The following PHF21B variants were observed in gnomAD, a reference collection of about 807,000 sequenced individuals.
The protein encoded by PHF21B is PHD finger protein 4.
Under a neutral mutation model 62.2 loss-of-function variants are expected in PHF21B, and 22 were observed. That is an observed-to-expected ratio of 0.35 (90% confidence interval 0.25 to 0.51). The LOEUF (loss-of-function observed/expected upper bound fraction) is 0.51, where lower values mean the gene tolerates loss of function less well. Ranked by LOEUF, PHF21B falls within the 20% of genes least tolerant of loss-of-function variation. The pLI, the probability that PHF21B is intolerant of heterozygous loss-of-function variation, is 0.97. For missense variants in PHF21B, 701 were observed against 707.9 expected (o/e 0.99, Z 0.11); for synonymous variants, 341 against 314.7 (o/e 1.08, Z -0.88).
chr22:44,929,171 C>T (rs1416487846), intron 2 of PHF21B, among the ~76,000 whole-genome samples: 1 of 152,224 alleles, frequency 6.6e-6, no homozygotes, highest in Non-Finnish European at 1.5e-5. Context: ...TCAATAACCG[C>T]TAATAAATAT....
At chr22:45,008,834 CG>C in intron 1 of PHF21B, 1 of 1,181,758 alleles carries the variant, frequency 8.5e-7, no homozygotes, top group Non-Finnish European at 1.0e-6. Flanking sequence ...CGGGGCGGGG[CG>C]GGGGCCGAGG....
intron 2 of PHF21B, among the ~76,000 whole-genome samples, chr22:44,926,879 T>TCAG (rs1446525487): frequency 2.6e-5 from 4 of 152,114 alleles, no homozygotes; most frequent in Non-Finnish European, 4.4e-5. Flanking sequence ...TGGGCGTTGC[T>TCAG]CAGCAGCAGC....
chr22:44,959,281 T>C (rs1472028501), intron 2 of PHF21B, among the ~76,000 whole-genome samples: 1 of 152,188 alleles, frequency 6.6e-6, no homozygotes, highest in Non-Finnish European at 1.5e-5. Context: ...TGATGACATT[T>C]TGCCCCGACC....
chr22:44,979,315 C>T (rs1030719371), intron 2 of PHF21B, among the ~76,000 whole-genome samples: 3 of 152,252 alleles, frequency 2.0e-5, no homozygotes, highest in Non-Finnish European at 4.4e-5. Flanking sequence ...GCCAAGTTCA[C>T]GTGTGACACC....
chr22:44,911,612 G>A (rs904158675), intron 5 of PHF21B, among the ~76,000 whole-genome samples: 5 of 152,244 alleles, frequency 3.3e-5, no homozygotes, highest in East Asian at 3.8e-4. Context: ...CAGGTGCAGA[G>A]AAGTCAAGAA....
At chr22:44,929,331 C>T (rs887142839) in intron 2 of PHF21B, among the ~76,000 whole-genome samples, 10 of 152,244 alleles carry the variant, frequency 6.6e-5, no homozygotes, top group African/African-American at 2.2e-4. Flanking sequence ...TAGGCTTGGC[C>T]TTTATGTCCC....
intron 2 of PHF21B, among the ~76,000 whole-genome samples, chr22:44,948,097 C>A (rs2072115465): frequency 6.6e-6 from 1 of 151,536 alleles, no homozygotes; most frequent in Non-Finnish European, 1.5e-5. Flanking sequence ...GGCACAGAGA[C>A]CAGCTCCGTG....
intron 2 of PHF21B, among the ~76,000 whole-genome samples, chr22:44,941,910 G>A (rs1181997472): frequency 1.3e-5 from 2 of 152,172 alleles, no homozygotes; most frequent in African/African-American, 2.4e-5. Flanking sequence ...CCCAGGGACT[G>A]CCTGTTCAGT....
intron 12 of PHF21B, among the ~76,000 whole-genome samples, chr22:44,884,536 TCAC>T (rs2070815584): frequency 2.2e-5 from 3 of 135,498 alleles, no homozygotes; most frequent in East Asian, 2.4e-4. Flanking sequence ...AGCACCATCA[TCAC>T]CACCATCACC....
At chr22:45,006,735 T>C (rs1263767582) in intron 2 of PHF21B, among the ~76,000 whole-genome samples, 2 of 152,158 alleles carry the variant, frequency 1.3e-5, no homozygotes, top group Admixed American at 6.5e-5. Flanking sequence ...GGATTTTTTC[T>C]TCTTCTCTCT....
chr22:44,895,849 T>C (rs994058555), intron 6 of PHF21B, among the ~76,000 whole-genome samples, 183 bp downstream of exon 6: 4 of 152,142 alleles, frequency 2.6e-5, no homozygotes, highest in African/African-American at 9.7e-5. Context: ...CGAGGTGGTT[T>C]ATACACAGAC....
intron 2 of PHF21B, among the ~76,000 whole-genome samples, chr22:44,951,879 C>A (rs1052213399): frequency 1.3e-5 from 2 of 152,186 alleles, no homozygotes; most frequent in African/African-American, 4.8e-5. Context: ...CTCACTTTTC[C>A]TTGCCTTTTG....
At chr22:44,959,885 AGGG>A (rs1450467265) in intron 2 of PHF21B, among the ~76,000 whole-genome samples, 1 of 152,222 alleles carries the variant, frequency 6.6e-6, no homozygotes, top group African/African-American at 2.4e-5. Flanking sequence ...CAGCAAGGGC[AGGG>A]GCTGAGCCAA....
chr22:44,921,112 C>A (rs1345908998), intron 2 of PHF21B, among the ~76,000 whole-genome samples: 1 of 152,212 alleles, frequency 6.6e-6, no homozygotes, highest in Non-Finnish European at 1.5e-5. Context: ...GGGGGAACGG[C>A]CTGGGTGTGC....
chr22:44,914,990 T>C (rs1259072465), intron 4 of PHF21B, among the ~76,000 whole-genome samples: 1 of 152,242 alleles, frequency 6.6e-6, no homozygotes, highest in African/African-American at 2.4e-5. Flanking sequence ...TGGTTTAAAC[T>C]AGGAATTACT....
intron 2 of PHF21B, among the ~76,000 whole-genome samples, chr22:44,942,131 C>T (rs1334464543): frequency 6.6e-6 from 1 of 152,226 alleles, no homozygotes; most frequent in African/African-American, 2.4e-5. Flanking sequence ...AGCATCTGCC[C>T]TTGTCCCAGC....
At position 44,882,945 on chromosome 22, in the gene PHF21B, C is replaced by T. The variant is rs1284719955; in HGVS notation, c.*141G>A. The T allele has an allele frequency of 9.3e-7, 1 of 1,070,582 alleles. No homozygotes were observed. Among genetic ancestry groups the T allele is most frequent in the Non-Finnish European group, 1.3e-6 (1 of 751,124 alleles). 66.3% of individuals were successfully genotyped at this position (1,070,582 alleles called of 1,614,324 possible). A position where few individuals can be genotyped will look rare whatever the true frequency, so the allele number is the denominator to read the frequency against. ...TCCTGGCTCTAGGCCTCTCGCCCAGCTCTTCCTCCCTCCTCTCCTCTGTCT... is the reference window on the plus strand; with the variant it reads ...TCCTGGCTCTAGGCCTCTCGCCCAGTTCTTCCTCCCTCCTCTCCTCTGTCT... On this transcript the variant is annotated 3_prime_UTR_variant, in exon 13 of 13. Coordinates refer to ENST00000313237, the MANE Select transcript of PHF21B (RefSeq NM_138415.5).
At chr22:44,929,779 C>T (rs530111687) in intron 2 of PHF21B, among the ~76,000 whole-genome samples, 24 of 152,352 alleles carry the variant, frequency 1.6e-4, no homozygotes, top group South Asian at 4.2e-4. Flanking sequence ...CAGTCCTGCG[C>T]GCCTCTGTGG....
At chr22:44,903,202 C>A (rs1389088372) in intron 5 of PHF21B, among the ~76,000 whole-genome samples, 2 of 152,244 alleles carry the variant, frequency 1.3e-5, no homozygotes, top group African/African-American at 2.4e-5. Context: ...TTTCACCTGA[C>A]CCAGCCCTGT....
Sources: allele counts gnomAD v4.1 joint callset (sites outside exome capture counted in the v4.1 genomes callset), GRCh38; gene constraint gnomAD v4.1.1; transcripts MANE v1.5; gene names NCBI Gene and HGNC (gene_info 2026-07-23, HGNC 2026-07-21).